KDM5B: variants seen among roughly 807,000 people sequenced by gnomAD.
KDM5B encodes the protein lysine demethylase 5B.
KDM5B carries 144 observed loss-of-function variants against 193.4 expected under a neutral mutation model. The observed-to-expected ratio is 0.74, with a 90% CI of 0.65 to 0.86. The LOEUF is 0.86. Ranked by LOEUF, KDM5B falls within the 40% of genes least tolerant of loss-of-function variation. The pLI, the probability that KDM5B is intolerant of heterozygous loss-of-function variation, is 0.00. For missense variants in KDM5B, 1,833 were observed against 1,886.9 expected (o/e 0.97, Z 0.53); for synonymous variants, 668 against 682.6 (o/e 0.98, Z 0.33).
At position 202,750,640 on chromosome 1, in the gene KDM5B, C is replaced by G; in HGVS notation, c.1821+19G>C. 3 of 1,611,048 alleles carry G rather than the reference C, an allele frequency of 1.9e-6. No individual in the cohort carries two copies. The South Asian group carries it at 3.3e-5, about 18-fold the overall frequency. ...AAAACAATAAATTTGAAAAGGTTAA[C>G]TACATTGTAATTACATACCCAATCA... On this transcript the variant is annotated intron_variant, in intron 13 of 26. Transcript: ENST00000367265.
chr1:202,806,565 G>C (rs1316092564), intron 1 of KDM5B: 1 of 151,984 alleles, frequency 6.6e-6, no homozygotes, highest in Non-Finnish European at 1.5e-5. Context: ...CCTCATATTC[G>C]CTGGCCAGTT....
intron 11 of KDM5B, among the ~76,000 whole-genome samples, chr1:202,754,720 T>C (rs879528431): frequency 9.2e-5 from 14 of 152,246 alleles, no homozygotes; most frequent in Non-Finnish European, 1.8e-4. Context: ...TTTCGCTCTG[T>C]TGCCCAGGCA....
chr1:202,793,649 T>A (rs1217373041), intron 1 of KDM5B, among the ~76,000 whole-genome samples: 2 of 152,222 alleles, frequency 1.3e-5, no homozygotes, highest in African/African-American at 4.8e-5. Flanking sequence ...ACTCTATTCT[T>A]TCCACAAAAT....
chr1:202,807,320 G>A (rs4950923), intron 1 of KDM5B: 65,649 of 152,144 alleles, frequency 0.43, 15,465 homozygotes, highest in Non-Finnish European at 0.53. Context: ...GAGCGCGGGC[G>A]GGCATCGGGG....
intron 1 of KDM5B, among the ~76,000 whole-genome samples, chr1:202,782,243 A>AT (rs1331220610): frequency 2.0e-5 from 3 of 152,234 alleles, no homozygotes; most frequent in Non-Finnish European, 4.4e-5. Context: ...GTTTTGGGAC[A>AT]TTCACTGTCA....
chr1:202,767,097 T>C lies in KDM5B; in HGVS notation c.577-37A>G, dbSNP rs1041518489. 3.1e-6 allele frequency: 5 copies of C among 1,602,998 alleles called. No homozygotes were observed. In the African/African-American group the frequency reaches 5.4e-5, roughly 17 times the overall value. Reference sequence around the variant, plus strand: ...AACTGTACTGATAAATTCCCTCCTTTTTTTTTTCACATCATAAGTTTATTG... The same window carrying C: ...AACTGTACTGATAAATTCCCTCCTTCTTTTTTTCACATCATAAGTTTATTG... On this transcript the variant is annotated intron_variant, in intron 4 of 26. Coordinates refer to ENST00000367265, the MANE Select transcript of KDM5B (RefSeq NM_006618.5).
chr1:202,758,722 A>G (rs1656120078), intron 8 of KDM5B, among the ~76,000 whole-genome samples: 1 of 152,256 alleles, frequency 6.6e-6, no homozygotes, highest in African/African-American at 2.4e-5. Flanking sequence ...GAGCAAATAA[A>G]ATGTCAATTT....
At chr1:202,772,691 G>C (rs1351793426) in intron 4 of KDM5B, among the ~76,000 whole-genome samples, 1 of 151,686 alleles carries the variant, frequency 6.6e-6, no homozygotes, top group East Asian at 1.9e-4. Context: ...CACAAAACAA[G>C]GTCTTTTTTT....
chr1:202,751,133 T>A lies in KDM5B; in HGVS notation c.1702-355A>T, dbSNP rs146567457. On this transcript the variant is annotated intron_variant, in intron 12 of 26. Transcript: ENST00000367265. ...ACCACCAATTAAAGCAATCCCACTC[T>A]ATTTCAAGAATCTCATAACATACAG... Among the ~76,000 whole-genome samples, 138 of 152,272 alleles carry A rather than the reference T, an allele frequency of 9.1e-4. 1 individual carries two copies. In the East Asian group the frequency reaches 0.017, roughly 19 times the overall value.
intron 1 of KDM5B, among the ~76,000 whole-genome samples, chr1:202,802,367 CTGT>C (rs1457620819): frequency 6.6e-6 from 1 of 151,724 alleles, no homozygotes; most frequent in Non-Finnish European, 1.5e-5. Context: ...ATAGTTTACA[CTGT>C]TTTTTTGTTG....
intron 5 of KDM5B, 114 bp from the exon 6 acceptor site, chr1:202,764,259 AT>A: frequency 1.8e-6 from 1 of 553,300 alleles, no homozygotes; most frequent in Non-Finnish European, 3.1e-6. Context: ...TTAACAGGGC[AT>A]TCAAAACATA....
chr1:202,752,395 T>C lies in KDM5B; in HGVS notation c.1701+510A>G, dbSNP rs114887258. ...AATTTGTAGCCCAGCAGCAATAGCC[T>C]ACACCATACAGCCTAGGTGTGTAGT... On this transcript the variant is annotated intron_variant, in intron 12 of 26. Coordinates refer to ENST00000367265, the MANE Select transcript of KDM5B (RefSeq NM_006618.5). Among the ~76,000 whole-genome samples the C allele has an allele frequency of 3.0e-3, 461 of 152,360 alleles. 1 individual carries two copies. The highest frequency in any genetic ancestry group is 0.011 in the African/African-American group (447 of 41,592).
chr1:202,735,496 C>T lies in KDM5B; in HGVS notation c.3356G>A (p.Ser1119Asn). The T allele has an allele frequency of 1.2e-6, 2 of 1,614,020 alleles. No homozygotes were observed. Among genetic ancestry groups the T allele is most frequent in the South Asian group, 1.1e-5 (1 of 91,066 alleles). ...GTCACTCAGACTCTCTAATTTGGTG[C>T]TTTTTTTCTTTCCATTTGGCAAGGG... ...KEPLPNGKKKSTKLESLSDLE... is the reference protein window; with the variant it reads ...KEPLPNGKKKNTKLESLSDLE... Residue 1119 changes from serine to asparagine, a missense_variant, in exon 22 of 27, where the codon AGC becomes AAC. By Grantham distance (46) the Ser-to-Asn change is conservative. Coordinates refer to ENST00000367265, the MANE Select transcript of KDM5B (RefSeq NM_006618.5).
rs202029929 is a variant in KDM5B, at chr1:202,773,108, C to G, written c.576+10G>C. 6 of 1,595,178 alleles carry G rather than the reference C, an allele frequency of 3.8e-6. No homozygotes were observed. The highest frequency in any genetic ancestry group is 4.3e-6 in the Non-Finnish European group (5 of 1,164,196). On this transcript the variant is annotated intron_variant, in intron 4 of 26. Coordinates refer to ENST00000367265, the MANE Select transcript of KDM5B (RefSeq NM_006618.5). ...AGATAAAACAGGTTAAGGCTAGCCC[C>G]CAAACTTACCCTTAGGCTGTCTCCG...
chr1:202,736,799 G>A (rs1203495369), intron 20 of KDM5B, among the ~76,000 whole-genome samples: 1 of 151,928 alleles, frequency 6.6e-6, no homozygotes, highest in Admixed American at 6.6e-5. Context: ...CCATCACCAC[G>A]CCCAACTAAT....
chr1:202,755,242 A>C (rs1655960891), intron 11 of KDM5B, 29 bp downstream of exon 11: 7 of 1,585,740 alleles, frequency 4.4e-6, no homozygotes, highest in Non-Finnish European at 6.1e-6. Flanking sequence ...CATGCATACT[A>C]CTCATGGGTT....
In KDM5B at chr1:202,785,996, GTT is replaced by G. The variant is rs1373019915; in HGVS notation, c.205-8904_205-8903del. On this transcript the variant is annotated intron_variant, in intron 1 of 26. Transcript: ENST00000367265. ...TTTCCAAGTGGCCTAATGCAGGCTTGTTTTTTGTTTGTTTTTGTTTCTGTTTT... is the reference window on the plus strand; with the variant it reads ...TTTCCAAGTGGCCTAATGCAGGCTTGTTTTGTTTGTTTTTGTTTCTGTTTT... Among the ~76,000 whole-genome samples, 4 of 151,540 alleles carry G rather than the reference GTT, an allele frequency of 2.6e-5. No homozygotes were observed. The East Asian group carries it at 7.7e-4, about 29-fold the overall frequency.
At chr1:202,740,021 G>A (rs1357927223) in intron 20 of KDM5B, among the ~76,000 whole-genome samples, 1 of 152,220 alleles carries the variant, frequency 6.6e-6, no homozygotes, top group Admixed American at 6.5e-5. Flanking sequence ...TGGCCGGGCA[G>A]AGGAGCTCCT....
chr1:202,747,265 G>A (rs1655595452), intron 14 of KDM5B, among the ~76,000 whole-genome samples: 1 of 152,132 alleles, frequency 6.6e-6, no homozygotes, highest in African/African-American at 2.4e-5. Context: ...ATGGGATGGA[G>A]AAAGTTAACA....
Sources: gnomAD v4.1 joint callset for allele counts (sites outside exome capture counted in the v4.1 genomes callset) on GRCh38, gnomAD v4.1.1 for gene constraint, MANE v1.5 for transcripts, NCBI Gene and HGNC (gene_info 2026-07-23, HGNC 2026-07-21) for gene names.